The following SLC25A21 variants were observed in gnomAD, a reference collection of about 807,000 sequenced individuals.
The protein encoded by SLC25A21 is solute carrier family 25 member 21.
Under a neutral mutation model 43.8 loss-of-function variants are expected in SLC25A21, and 47 were observed. The observed-to-expected ratio is 1.07, with a 90% CI of 0.85 to 1.37. The LOEUF is 1.37. Ranked by LOEUF, SLC25A21 falls within the 40% of genes most tolerant of loss-of-function variation. The probability of loss-of-function intolerance (pLI) is 0.00; values close to 1 mark genes in which losing one functional copy is unlikely to be tolerated. For missense variants in SLC25A21, 352 were observed against 350.2 expected, an observed-to-expected ratio of 1.00 and a Z score of -0.04; for synonymous variants, 131 against 121.3, an observed-to-expected ratio of 1.08 and a Z score of -0.52.
chr14:36,697,737 A>AATTTTTTTTTTTTT (rs1311280396), intron 7 of SLC25A21, among the ~76,000 whole-genome samples: 1 of 69,928 alleles, frequency 1.4e-5, no homozygotes, highest in Admixed American at 1.5e-4. Context: ...TGCAAGCCCT[A>AATTTTTTTTTTTTT]CTTTTTTTTT....
intron 2 of SLC25A21, among the ~76,000 whole-genome samples, chr14:36,873,950 C>G (rs974974235): frequency 1.3e-5 from 2 of 152,140 alleles, no homozygotes; most frequent in African/African-American, 4.8e-5. Flanking sequence ...ATATGAATGT[C>G]TGTTGTTTAA....
chr14:36,893,356 A>G (rs1018625295), intron 1 of SLC25A21, among the ~76,000 whole-genome samples: 1 of 152,184 alleles, frequency 6.6e-6, no homozygotes, highest in Non-Finnish European at 1.5e-5. Context: ...TCTTTCGAGA[A>G]GTGTCTGTTC....
chr14:36,902,767 T>G (rs1487126838), intron 1 of SLC25A21, among the ~76,000 whole-genome samples: 5 of 151,794 alleles, frequency 3.3e-5, no homozygotes, highest in African/African-American at 1.2e-4. Flanking sequence ...GCGGCCAAGG[T>G]GGGACAATTG....
intron 1 of SLC25A21, among the ~76,000 whole-genome samples, chr14:36,925,112 GAT>G (rs1257667408): frequency 1.3e-5 from 2 of 152,094 alleles, no homozygotes; most frequent in African/African-American, 4.8e-5. Flanking sequence ...GGTAATAAAA[GAT>G]ATTAAAACGC....
At chr14:36,736,495 T>C (rs1885044844) in intron 3 of SLC25A21, among the ~76,000 whole-genome samples, 1 of 152,174 alleles carries the variant, frequency 6.6e-6, no homozygotes, top group African/African-American at 2.4e-5. Context: ...CAAGCATAGG[T>C]TGGTCTTCCC....
rs530107783 is a variant in SLC25A21, at chr14:36,898,426, G to A, written c.71-23422C>T. 1.2e-4 allele frequency among the ~76,000 whole-genome samples: 18 copies of A among 152,230 alleles called. No individual in the cohort carries two copies. The South Asian group carries it at 1.9e-3, about 16-fold the overall frequency. On this transcript the variant is annotated intron_variant, in intron 1 of 9. Coordinates refer to ENST00000331299, the MANE Select transcript of SLC25A21 (RefSeq NM_030631.4). ...GGAGTGACCCAATTTTCCAGGTGCC[G>A]TCTGTCACCCCTTTCTTTGACTAGG...
chr14:37,126,827 A>T (rs1455461191), intron 1 of SLC25A21, among the ~76,000 whole-genome samples: 1 of 152,214 alleles, frequency 6.6e-6, no homozygotes, highest in East Asian at 1.9e-4. Context: ...TTTCCCTTGC[A>T]CTTAAAACAC....
chr14:37,119,556 AAAAAAAG>A (rs749939106), intron 1 of SLC25A21, among the ~76,000 whole-genome samples: 4,064 of 84,814 alleles, frequency 0.048, 181 homozygotes, highest in African/African-American at 0.11. Context: ...GACACCATAA[AAAAAAAG>A]AAAAAAGAAA....
At chr14:36,884,531 T>C (rs1594667087) in intron 1 of SLC25A21, among the ~76,000 whole-genome samples, 1 of 152,188 alleles carries the variant, frequency 6.6e-6, no homozygotes, top group Non-Finnish European at 1.5e-5. Context: ...ATTCTATTTT[T>C]AGTTCTTTGA....
intron 2 of SLC25A21, among the ~76,000 whole-genome samples, chr14:36,819,714 G>C (rs767885912): frequency 6.6e-6 from 1 of 152,028 alleles, no homozygotes. Context: ...CTGGGGAGTG[G>C]AGGCTTTAGA....
chr14:37,160,324 A>G (rs370150561), intron 1 of SLC25A21, among the ~76,000 whole-genome samples: 124 of 152,364 alleles, frequency 8.1e-4, no homozygotes, highest in Non-Finnish European at 1.6e-3. Context: ...CAAAGTGCCC[A>G]TGAAAAGATG....
At chr14:36,682,160 C>G (rs1040141135) in intron 9 of SLC25A21, among the ~76,000 whole-genome samples, 1 of 146,474 alleles carries the variant, frequency 6.8e-6, no homozygotes, top group Non-Finnish European at 1.5e-5. Context: ...TTTACTGTCT[C>G]TCTCTCATTC....
Position 37,097,177 on chromosome 14 carries a change from T to A in SLC25A21, c.70+75104A>T, listed in dbSNP as rs549174668. 2.6e-5 allele frequency: 4 copies of A among 152,326 alleles called. No individual in the cohort carries two copies. In the East Asian group the frequency reaches 5.8e-4, roughly 22 times the overall value. The allele number at this position is 152,326 out of a possible 1,614,324, so 9.4% of individuals were successfully genotyped here. A position where few individuals can be genotyped will look rare whatever the true frequency, so the allele number is the denominator to read the frequency against. Reference sequence around the variant, plus strand: ...GCGCAGTGGTGCTATCTCAGCTCACTGCAGCCTCCACCTCCTGGGTTCAAG... The same window carrying A: ...GCGCAGTGGTGCTATCTCAGCTCACAGCAGCCTCCACCTCCTGGGTTCAAG... On this transcript the variant is annotated intron_variant, in intron 1 of 9. Coordinates refer to ENST00000331299, the MANE Select transcript of SLC25A21 (RefSeq NM_030631.4).
intron 3 of SLC25A21, among the ~76,000 whole-genome samples, chr14:36,779,544 CAT>C (rs1433969748): frequency 7.6e-6 from 1 of 130,948 alleles, no homozygotes; most frequent in African/African-American, 2.7e-5. Context: ...TAAGAATAAA[CAT>C]ATTCTTATAT....
At chr14:37,087,354 G>A (rs1018056994) in intron 1 of SLC25A21, among the ~76,000 whole-genome samples, 3 of 152,148 alleles carry the variant, frequency 2.0e-5, no homozygotes, top group Non-Finnish European at 4.4e-5. Context: ...AGTCTATTTT[G>A]TTCTGCCAAC....
chr14:37,027,379 G>A (rs1351244981), intron 1 of SLC25A21, among the ~76,000 whole-genome samples: 3 of 152,108 alleles, frequency 2.0e-5, no homozygotes, highest in South Asian at 2.1e-4. Flanking sequence ...TTAGATGACC[G>A]TTTCTGCTAC....
chr14:37,061,569 T>C (rs1025195851), intron 1 of SLC25A21, among the ~76,000 whole-genome samples: 4 of 152,128 alleles, frequency 2.6e-5, no homozygotes, highest in African/African-American at 9.7e-5. Flanking sequence ...TGTTCTACTC[T>C]ATTTAGAGAA....
At chr14:36,715,967 T>C (rs1279921570) in intron 6 of SLC25A21, among the ~76,000 whole-genome samples, 1 of 152,074 alleles carries the variant, frequency 6.6e-6, no homozygotes, top group Non-Finnish European at 1.5e-5. Flanking sequence ...GGTGCGGGCC[T>C]GTAGTCCCAG....
chr14:37,045,685 C>T (rs1284715457), intron 1 of SLC25A21, among the ~76,000 whole-genome samples: 1 of 152,178 alleles, frequency 6.6e-6, no homozygotes, highest in African/African-American at 2.4e-5. Context: ...ACAGCCAGGC[C>T]ATTGTTCAGC....
Sources: allele counts gnomAD v4.1 joint callset (sites outside exome capture counted in the v4.1 genomes callset), GRCh38; gene constraint gnomAD v4.1.1; transcripts MANE v1.5; gene names NCBI Gene and HGNC (gene_info 2026-07-23, HGNC 2026-07-21).